The following CUX1 variants were observed in gnomAD, a reference collection of about 807,000 sequenced individuals.
CUX1 encodes protein CASP.
A neutral mutation model predicts 158.8 loss-of-function variants in CUX1; 31 were observed. The ratio of observed to expected loss-of-function variants is 0.20; its 90% CI spans 0.15 to 0.26. The LOEUF is 0.26. Among genes scored for constraint, CUX1 ranks in the 10% least tolerant of loss-of-function variants. The probability of loss-of-function intolerance (pLI) is 1.00; values close to 1 mark genes in which losing one functional copy is unlikely to be tolerated. For missense variants in CUX1, 1,589 were observed against 2,014.6 expected (o/e 0.79, Z 4.04); for synonymous variants, 879 against 862.1 (o/e 1.02, Z -0.34).
At position 101,932,412 on chromosome 7, in the gene CUX1, C is replaced by T. The variant is rs1373383485; in HGVS notation, c.141+16187C>T. On this transcript the variant is annotated intron_variant, in intron 2 of 23. Transcript: ENST00000292535. ...TTAGCCTTCTCCAGGGAGGAATTCA[C>T]AGCACCAGGAATACGCGCAGAGATG... is the stretch of plus-strand genomic sequence containing the variant. The T allele has an allele frequency of 1.4e-5, 5 of 348,664 alleles. No individual in the cohort carries two copies. The Admixed American group carries it at 1.5e-4, about 10-fold the overall frequency. 21.6% of individuals were successfully genotyped at this position (348,664 alleles called of 1,614,324 possible). A position where few individuals can be genotyped will look rare whatever the true frequency, so the allele number is the denominator to read the frequency against.
chr7:102,000,522 C>G (rs982583790), intron 2 of CUX1, among the ~76,000 whole-genome samples: 7 of 152,326 alleles, frequency 4.6e-5, no homozygotes, highest in South Asian at 2.1e-4. Context: ...AGACCATTGA[C>G]ATTGGAAAAC....
chr7:102,111,896 C>G, intron 7 of CUX1, 122 bp downstream of exon 7: 1 of 767,260 alleles, frequency 1.3e-6, no homozygotes, highest in Non-Finnish European at 2.2e-6. Flanking sequence ...TGGGAGCTGC[C>G]GGGAGCCCAC....
intron 2 of CUX1, among the ~76,000 whole-genome samples, chr7:101,918,417 C>A (rs1020299186): frequency 6.6e-6 from 1 of 152,230 alleles, no homozygotes; most frequent in Non-Finnish European, 1.5e-5. Context: ...CATTTCTTCT[C>A]AGGACACATT....
intron 20 of CUX1, among the ~76,000 whole-genome samples, chr7:102,214,153 T>C (rs1404235213): frequency 6.6e-6 from 1 of 151,296 alleles, no homozygotes; most frequent in Non-Finnish European, 1.5e-5. Context: ...ATAATAATAA[T>C]AAGTGGAAAT....
intron 3 of CUX1, among the ~76,000 whole-genome samples, chr7:102,063,426 T>A (rs1825175722): frequency 7.0e-6 from 1 of 142,308 alleles, no homozygotes; most frequent in African/African-American, 2.6e-5. Context: ...TCTCACTCTG[T>A]CGCCCAGGCT....
At chr7:101,945,219 C>T (rs1196071184) in intron 2 of CUX1, among the ~76,000 whole-genome samples, 1 of 152,074 alleles carries the variant, frequency 6.6e-6, no homozygotes, top group African/African-American at 2.4e-5. Context: ...CTGTGTGCAG[C>T]GGCTTCCACC....
intron 2 of CUX1, among the ~76,000 whole-genome samples, chr7:101,965,345 G>A (rs1015963093): frequency 4.6e-5 from 7 of 152,110 alleles, no homozygotes; most frequent in Non-Finnish European, 8.8e-5. Context: ...AAACTCACAA[G>A]CCACAAAGAG....
At chr7:101,868,956 G>C (rs1262860589) in intron 1 of CUX1, among the ~76,000 whole-genome samples, 2 of 152,216 alleles carry the variant, frequency 1.3e-5, no homozygotes, top group Non-Finnish European at 2.9e-5. Flanking sequence ...GAGAACAGGA[G>C]AGGAGAGGCC....
intron 21 of CUX1, among the ~76,000 whole-genome samples, chr7:102,231,935 G>C (rs782253076): frequency 2.0e-5 from 3 of 151,034 alleles, no homozygotes; most frequent in Non-Finnish European, 4.4e-5. Flanking sequence ...GGATGGTCTC[G>C]ATCTCCTGAC....
Position 102,249,964 on chromosome 7 carries a change from T to A in CUX1, c.*922T>A, listed in dbSNP as rs935147955. ...ATAGAATCCTGACATGTAGTGCACA[T>A]TGATGTATAGCTTTAACTGACCCTG... On this transcript the variant is annotated 3_prime_UTR_variant, in exon 24 of 24. Coordinates refer to ENST00000292535, the MANE Select transcript of CUX1 (RefSeq NM_181552.4). 2.0e-6 allele frequency: 2 copies of A among 985,596 alleles called. No homozygotes were observed. The highest frequency in any genetic ancestry group is 2.4e-6 in the Non-Finnish European group (2 of 829,890). The allele number at this position is 985,596 out of a possible 1,614,324, so 61.1% of individuals were successfully genotyped here.
chr7:102,229,518 G>T (rs1306419396), intron 21 of CUX1, among the ~76,000 whole-genome samples: 1 of 150,494 alleles, frequency 6.6e-6, no homozygotes, highest in Non-Finnish European at 1.5e-5. Flanking sequence ...CACCACGTTG[G>T]CCAGGATGGT....
At chr7:102,060,916 T>TTG (rs1420870879) in intron 3 of CUX1, among the ~76,000 whole-genome samples, 2 of 136,246 alleles carry the variant, frequency 1.5e-5, no homozygotes, top group Non-Finnish European at 3.1e-5. Context: ...CTGGCCTTTT[T>TTG]TTTTTTTTTT....
intron 6 of CUX1, among the ~76,000 whole-genome samples, chr7:102,109,345 A>C (rs1830667806): frequency 6.6e-6 from 1 of 152,230 alleles, no homozygotes; most frequent in Non-Finnish European, 1.5e-5. Flanking sequence ...TACAAAGAGA[A>C]ATAACATAGC....
intron 3 of CUX1, among the ~76,000 whole-genome samples, chr7:102,051,654 CAA>C (rs1299911064): frequency 2.5e-4 from 22 of 89,622 alleles, no homozygotes; most frequent in Admixed American, 2.5e-4. Context: ...GACTCTGTCT[CAA>C]AAAAAAAAAA....
At position 101,821,671 on chromosome 7, in the gene CUX1, C is replaced by CTTTTTTTTTTTTTTTTTTTT. The variant is rs58793343; in HGVS notation, c.30+4009_30+4028dup. 7.8e-4 allele frequency among the ~76,000 whole-genome samples: 40 copies of CTTTTTTTTTTTTTTTTTTTT among 51,312 alleles called. 4 individuals are homozygous for CTTTTTTTTTTTTTTTTTTTT. The highest frequency in any genetic ancestry group is 1.2e-3 in the African/African-American group (15 of 12,346). 33.7% of individuals were successfully genotyped at this position (51,312 alleles called of 152,430 possible). Reference sequence around the variant, plus strand: ...CTTTTCTTTTCTTTTTTTCTTTTTTCTTTTTTTTTTTTTTTTTTTTTTTTT... The same window carrying CTTTTTTTTTTTTTTTTTTTT: ...CTTTTCTTTTCTTTTTTTCTTTTTTCTTTTTTTTTTTTTTTTTTTTTTTTTTTTTTTTTTTTTTTTTTTTT... On this transcript the variant is annotated intron_variant, in intron 1 of 23. Transcript: ENST00000292535.
chr7:102,113,724 CT>C (rs1306208793), intron 7 of CUX1, among the ~76,000 whole-genome samples: 3 of 151,274 alleles, frequency 2.0e-5, no homozygotes, highest in African/African-American at 7.3e-5. Context: ...CACATGGCTA[CT>C]TTTTTTTTCA....
intron 8 of CUX1, among the ~76,000 whole-genome samples, chr7:102,139,317 G>A (rs1367645594): frequency 1.3e-5 from 2 of 151,692 alleles, no homozygotes; most frequent in African/African-American, 4.9e-5. Context: ...TTAAAACCTG[G>A]GAAGTGCCCT....
rs562812850 is a variant in CUX1, at chr7:101,847,192, AT to A, written c.30+29527del. Among the ~76,000 whole-genome samples, 30 of 152,242 alleles carry A rather than the reference AT, an allele frequency of 2.0e-4. No individual in the cohort carries two copies. In the East Asian group the frequency reaches 3.7e-3, roughly 19 times the overall value. Reference sequence around the variant, plus strand: ...TCAACCACCTGGTGGAGAAGGTAGTATTTTCACCAACGCTGTAGCAAATGTC... The same window carrying A: ...TCAACCACCTGGTGGAGAAGGTAGTATTTCACCAACGCTGTAGCAAATGTC... On this transcript the variant is annotated intron_variant, in intron 1 of 23. Transcript: ENST00000292535.
intron 20 of CUX1, among the ~76,000 whole-genome samples, chr7:102,206,535 C>G (rs540531817): frequency 5.9e-5 from 9 of 152,254 alleles, no homozygotes; most frequent in Admixed American, 2.0e-4. Flanking sequence ...TTGAAACTCA[C>G]GAGAGTATTT....
Sources: allele counts gnomAD v4.1 joint callset (sites outside exome capture counted in the v4.1 genomes callset), GRCh38; gene constraint gnomAD v4.1.1; transcripts MANE v1.5; gene names NCBI Gene and HGNC (gene_info 2026-07-23, HGNC 2026-07-21).